TMPRSS5: variants seen among roughly 807,000 people sequenced by gnomAD.
The protein encoded by TMPRSS5 is transmembrane protease serine 5.
TMPRSS5 carries 45 observed loss-of-function variants against 59.7 expected under a neutral mutation model. The ratio of observed to expected loss-of-function variants is 0.75; its 90% CI spans 0.59 to 0.97. TMPRSS5 has a LOEUF of 0.97. TMPRSS5 is among the 50% of genes least tolerant of loss of function. The pLI is 0.00. For missense variants in TMPRSS5, 585 were observed against 596.7 expected (o/e 0.98, Z 0.20); for synonymous variants, 225 against 232.0 (o/e 0.97, Z 0.27).
chr11:113,700,951 T>C (rs896297655), intron 1 of TMPRSS5, among the ~76,000 whole-genome samples: 1 of 152,102 alleles, frequency 6.6e-6, no homozygotes, highest in African/African-American at 2.4e-5. Context: ...GATCTGATGG[T>C]TTTATATGGG....
intron 1 of TMPRSS5, among the ~76,000 whole-genome samples, chr11:113,700,670 A>G (rs547631184): frequency 9.2e-5 from 14 of 152,250 alleles, no homozygotes; most frequent in South Asian, 8.3e-4. Flanking sequence ...GAATAAACCA[A>G]CGTGGACCAC....
In TMPRSS5 at chr11:113,693,165, C is replaced by G. The variant is rs1293473562; in HGVS notation, c.870G>C (p.Leu290=). 1 of 1,603,216 alleles carries G rather than the reference C, an allele frequency of 6.2e-7. No homozygotes were observed. Among genetic ancestry groups the G allele is most frequent in the Non-Finnish European group, 8.5e-7 (1 of 1,175,224 alleles). ...GGGGGTGTGGGATAATCCTCTCCAC[C>G]AGAGCCCCTTGGTGGGGCCTGACGG... The part of the protein sequence containing the change: ...HSAVRPHQGA[L]VERIIPHPLY... Residue 290 remains leucine (L), a synonymous_variant, in exon 9 of 13, where the codon CTG becomes CTC. Transcript: ENST00000299882.
At chr11:113,697,653 A>AC (rs1177569470) in intron 4 of TMPRSS5, among the ~76,000 whole-genome samples, 1 of 152,174 alleles carries the variant, frequency 6.6e-6, no homozygotes, top group Non-Finnish European at 1.5e-5. Context: ...AGCGTGGTCT[A>AC]CCATTCATTG....
At chr11:113,692,946 T>C in intron 9 of TMPRSS5, 125 bp downstream of exon 9, 1 of 1,061,012 alleles carries the variant, frequency 9.4e-7, no homozygotes, top group Non-Finnish European at 1.3e-6. Flanking sequence ...CCAAAATAAA[T>C]AGAATGTTTT....
intron 11 of TMPRSS5, 55 bp downstream of exon 11, chr11:113,690,176 G>GCCCCCCCCCCCCCC: frequency 2.1e-5 from 8 of 388,212 alleles, no homozygotes; most frequent in Non-Finnish European, 3.3e-5. Context: ...CAGGCCCCCT[G>GCCCCCCCCCCCCCC]CCCTCCCACC....
At chr11:113,688,515 G>T (rs1169566391) in intron 12 of TMPRSS5, among the ~76,000 whole-genome samples, 1 of 152,158 alleles carries the variant, frequency 6.6e-6, no homozygotes, top group African/African-American at 2.4e-5. Flanking sequence ...CTTAGAGGAA[G>T]ATGCTTTTCA....
At chr11:113,691,004 C>T (rs914090102) in intron 9 of TMPRSS5, 65 bp from the exon 10 acceptor site, 17 of 1,456,848 alleles carry the variant, frequency 1.2e-5, no homozygotes, top group East Asian at 2.5e-5. Flanking sequence ...AGAGCCTGGG[C>T]GAAGGACCCA....
intron 1 of TMPRSS5, among the ~76,000 whole-genome samples, chr11:113,701,081 G>C (rs1237831241): frequency 6.6e-6 from 1 of 152,240 alleles, no homozygotes; most frequent in African/African-American, 2.4e-5. Flanking sequence ...GAGGAACTGT[G>C]AGTCAATTAA....
At position 113,694,631 on chromosome 11, in the gene TMPRSS5, G is replaced by T. The variant is rs61995945; in HGVS notation, c.632C>A (p.Ala211Glu). 1 of 1,546,800 alleles carries T rather than the reference G, an allele frequency of 6.5e-7. No homozygotes were observed. The highest frequency in any genetic ancestry group is 8.7e-7 in the Non-Finnish European group (1 of 1,145,618). ...AACTATCCGGGAAGCCAGGGGCCTC[G>T]CTCCACACTCTGCCAACAGAGATGG... Reference protein sequence around the residue: ...VVSLRCSECGARPLASRIVGG... With the variant: ...VVSLRCSECGERPLASRIVGG... Residue 211 changes from alanine to glutamate, a missense_variant, in exon 8 of 13, where the codon GCG becomes GAG. Physicochemically the swap from Ala to Glu is moderately radical, Grantham distance 107. Coordinates refer to ENST00000299882, the MANE Select transcript of TMPRSS5 (RefSeq NM_030770.4).
chr11:113,699,928 A>G, intron 2 of TMPRSS5, 138 bp downstream of exon 2: 1 of 1,521,144 alleles, frequency 6.6e-7, no homozygotes, highest in Non-Finnish European at 8.8e-7. Flanking sequence ...GAGCAGAAGC[A>G]GGTCTGGGGA....
intron 12 of TMPRSS5, among the ~76,000 whole-genome samples, chr11:113,688,507 T>C (rs1211956074): frequency 1.3e-5 from 2 of 152,142 alleles, no homozygotes; most frequent in African/African-American, 2.4e-5. Flanking sequence ...TGCCCAACCT[T>C]AGAGGAAGAT....
chr11:113,697,184 G>C (rs556501486), intron 5 of TMPRSS5, 99 bp downstream of exon 5: 1 of 1,495,358 alleles, frequency 6.7e-7, no homozygotes, highest in Non-Finnish European at 9.1e-7. Flanking sequence ...GACATTTCCT[G>C]AGCACATTGA....
At chr11:113,690,175 T>TCCCCCCCCCCCCCCCCCCCCCCCCCC in intron 11 of TMPRSS5, 56 bp downstream of exon 11, 1 of 159,590 alleles carries the variant, frequency 6.3e-6, no homozygotes, top group Non-Finnish European at 1.1e-5. Flanking sequence ...GCAGGCCCCC[T>TCCCCCCCCCCCCCCCCCCCCCCCCCC]GCCCTCCCAC....
chr11:113,698,646 G>A (rs1952994530), intron 4 of TMPRSS5, among the ~76,000 whole-genome samples: 1 of 152,184 alleles, frequency 6.6e-6, no homozygotes, highest in Non-Finnish European at 1.5e-5. Flanking sequence ...TGCCCCAAAT[G>A]GCAAGTTTCC....
intron 9 of TMPRSS5, among the ~76,000 whole-genome samples, chr11:113,691,892 CTT>C (rs58784708): frequency 5.0e-5 from 6 of 121,106 alleles, no homozygotes; most frequent in African/African-American, 7.3e-5. Context: ...CCTTTTTTTT[CTT>C]TTTTTTTTTT....
chr11:113,701,330 TG>T (rs57869398), intron 1 of TMPRSS5, among the ~76,000 whole-genome samples: 26,674 of 151,884 alleles, frequency 0.18, 2,390 homozygotes, highest in African/African-American at 0.2. Context: ...ATACTGATAG[TG>T]ATATGGACAA....
intron 4 of TMPRSS5, 26 bp downstream of exon 4, chr11:113,698,878 GC>G: frequency 6.4e-7 from 1 of 1,571,142 alleles, no homozygotes; most frequent in Non-Finnish European, 8.6e-7. Context: ...GGGGAGGGAG[GC>G]CCGTAGCCTT....
chr11:113,703,813 TTCCCCTTCCACCATGA>T (rs1442021412), intron 1 of TMPRSS5, among the ~76,000 whole-genome samples: 1 of 152,202 alleles, frequency 6.6e-6, no homozygotes, highest in Admixed American at 6.5e-5. Context: ...GTGTGTTTGC[TTCCCCTTCCACCATGA>T]TCATAAGTTT....
intron 7 of TMPRSS5, 72 bp from the exon 8 acceptor site, chr11:113,694,712 G>A: frequency 1.4e-6 from 2 of 1,418,224 alleles, no homozygotes; most frequent in Admixed American, 5.3e-5. Flanking sequence ...CTCTCAGGAA[G>A]CGTGGCCCAG....
Sources: gnomAD v4.1 joint callset for allele counts (sites outside exome capture counted in the v4.1 genomes callset) on GRCh38, gnomAD v4.1.1 for gene constraint, MANE v1.5 for transcripts, NCBI Gene and HGNC (gene_info 2026-07-23, HGNC 2026-07-21) for gene names.